SULF1: variants seen among roughly 807,000 people sequenced by gnomAD.
SULF1 encodes sulfatase 1, also known as extracellular sulfatase Sulf-1.
SULF1 carries 46 observed loss-of-function variants against 110.5 expected under a neutral mutation model. That is an observed-to-expected ratio of 0.42 (90% confidence interval 0.33 to 0.53). SULF1 has a LOEUF of 0.53. SULF1 is among the 20% of genes least tolerant of loss of function. SULF1 has a pLI of 0.12. For synonymous variants in SULF1, 371 were observed against 387.1 expected, an observed-to-expected ratio of 0.96 and a Z score of 0.49; for missense variants, 941 against 1,094.2, an observed-to-expected ratio of 0.86 and a Z score of 1.98.
chr8:69,504,823 A>G (rs2150578108), intron 3 of SULF1, among the ~76,000 whole-genome samples: 1 of 152,272 alleles, frequency 6.6e-6, no homozygotes, highest in South Asian at 2.1e-4. Flanking sequence ...GTATTTATAT[A>G]TCCACAATCC....
At chr8:69,484,813 G>T (rs1303389887) in intron 1 of SULF1, among the ~76,000 whole-genome samples, 1 of 130,008 alleles carries the variant, frequency 7.7e-6, no homozygotes, top group Non-Finnish European at 1.7e-5. Flanking sequence ...TATACAGCTT[G>T]CTTTCATCTT....
chr8:69,514,258 A>C (rs1407414433), intron 3 of SULF1, among the ~76,000 whole-genome samples: 2 of 152,224 alleles, frequency 1.3e-5, no homozygotes, highest in Non-Finnish European at 2.9e-5. Flanking sequence ...GGAAGCATGG[A>C]TGGGGAAGGG....
chr8:69,636,520 G>A (rs1811031340), intron 19 of SULF1, among the ~76,000 whole-genome samples: 1 of 151,364 alleles, frequency 6.6e-6, no homozygotes, highest in East Asian at 1.9e-4. Flanking sequence ...CTGGGCGACA[G>A]AGCGATACTC....
intron 15 of SULF1, among the ~76,000 whole-genome samples, chr8:69,625,788 C>T (rs1267418890): frequency 6.6e-6 from 1 of 152,136 alleles, no homozygotes. Flanking sequence ...TGGAAGGGGA[C>T]CCAGGCAGAT....
chr8:69,635,491 A>T (rs1274053092), intron 19 of SULF1, among the ~76,000 whole-genome samples: 1 of 152,214 alleles, frequency 6.6e-6, no homozygotes. Context: ...ATCATTTCTC[A>T]TTCATTGTTT....
At chr8:69,508,889 G>A (rs752701502) in intron 3 of SULF1, among the ~76,000 whole-genome samples, 1 of 152,132 alleles carries the variant, frequency 6.6e-6, no homozygotes, top group Non-Finnish European at 1.5e-5. Context: ...CTGTGCTGGA[G>A]GCGTTATAGG....
At chr8:69,524,117 A>G (rs949863291) in intron 3 of SULF1, among the ~76,000 whole-genome samples, 2 of 151,802 alleles carry the variant, frequency 1.3e-5, no homozygotes, top group African/African-American at 4.8e-5. Flanking sequence ...TAAGAAAGCT[A>G]AGAGATTTGA....
At chr8:69,623,325 G>GATTATAGT (rs1373273916) in intron 14 of SULF1, among the ~76,000 whole-genome samples, 1 of 152,188 alleles carries the variant, frequency 6.6e-6, no homozygotes, top group Non-Finnish European at 1.5e-5. Flanking sequence ...AGTCTCAGAA[G>GATTATAGT]ATTATAGTCC....
chr8:69,505,275 G>T (rs1811107176), intron 3 of SULF1, among the ~76,000 whole-genome samples: 1 of 152,146 alleles, frequency 6.6e-6, no homozygotes, highest in South Asian at 2.1e-4. Context: ...GGAACAGATT[G>T]CTTTTGTGTA....
intron 14 of SULF1, 53 bp from the exon 15 acceptor site, chr8:69,623,889 C>T (rs1185812256): frequency 4.5e-6 from 7 of 1,562,336 alleles, no homozygotes; most frequent in Non-Finnish European, 6.1e-6. Context: ...CACTTTCTTC[C>T]CTTGTAAGCT....
At chr8:69,582,560 G>A (rs1412539522) in intron 6 of SULF1, among the ~76,000 whole-genome samples, 1 of 152,086 alleles carries the variant, frequency 6.6e-6, no homozygotes, top group African/African-American at 2.4e-5. Context: ...AAGGGGAGTT[G>A]GGGGAGGGAG....
At chr8:69,646,399 C>T (rs4737286) in intron 22 of SULF1, among the ~76,000 whole-genome samples, 83,091 of 151,158 alleles carry the variant, frequency 0.55, 22,990 homozygotes, top group African/African-American at 0.62. Flanking sequence ...TCGATAACTT[C>T]GTGAGGTCAG....
At chr8:69,638,415 T>C in intron 19 of SULF1, 87 bp from the exon 20 acceptor site, 1 of 1,440,976 alleles carries the variant, frequency 6.9e-7, no homozygotes, top group Non-Finnish European at 9.4e-7. Context: ...CTTTAAAGTG[T>C]AAAGATAAGG....
chr8:69,634,188 C>T (rs1251907488), intron 19 of SULF1, among the ~76,000 whole-genome samples: 6 of 152,136 alleles, frequency 3.9e-5, no homozygotes, highest in Non-Finnish European at 8.8e-5. Flanking sequence ...TTCCCCACAG[C>T]TACCCCTTCA....
At chr8:69,534,794 C>A (rs576793939) in intron 3 of SULF1, among the ~76,000 whole-genome samples, 1 of 151,564 alleles carries the variant, frequency 6.6e-6, no homozygotes, top group Non-Finnish European at 1.5e-5. Flanking sequence ...ATACAACTGA[C>A]GTCATACATA....
chr8:69,558,599 A>G (rs1425880343), intron 3 of SULF1, among the ~76,000 whole-genome samples: 2 of 152,240 alleles, frequency 1.3e-5, no homozygotes, highest in Non-Finnish European at 1.5e-5. Context: ...ATCTGAGACC[A>G]GGCATTTAGA....
At chr8:69,557,220 C>T (rs1252443337) in intron 3 of SULF1, among the ~76,000 whole-genome samples, 1 of 152,180 alleles carries the variant, frequency 6.6e-6, no homozygotes, top group Non-Finnish European at 1.5e-5. Context: ...ATCTCACTGC[C>T]ACCATTGAAA....
At chr8:69,630,745 A>AT (rs1204369349) in intron 19 of SULF1, among the ~76,000 whole-genome samples, 1 of 152,196 alleles carries the variant, frequency 6.6e-6, no homozygotes, top group Non-Finnish European at 1.5e-5. Context: ...GGGTACAGGT[A>AT]GAAAAAAAAG....
rs576703284 is a variant in SULF1 at position 69,602,159 on chromosome 8, TA to T, written c.1061+340del. Among the ~76,000 whole-genome samples the T allele has an allele frequency of 4.0e-3, 597 of 149,186 alleles. 2 individuals carry two copies. Among genetic ancestry groups the T allele is most frequent in the African/African-American group, 0.014 (557 of 40,940 alleles). ...TTTGAATCAGAGATACGCTGTCATT[TA>T]AAAAAAAAACCTGACACCATCCTTT... On this transcript the variant is annotated intron_variant, in intron 10 of 22. Coordinates refer to ENST00000402687, the MANE Select transcript of SULF1 (RefSeq NM_001128205.2).
Sources: allele counts gnomAD v4.1 joint callset (sites outside exome capture counted in the v4.1 genomes callset), GRCh38; gene constraint gnomAD v4.1.1; transcripts MANE v1.5; gene names NCBI Gene and HGNC (gene_info 2026-07-23, HGNC 2026-07-21).